The following ERCC6 variants were observed in gnomAD, a reference collection of about 807,000 sequenced individuals.
ERCC6 encodes the protein DNA excision repair protein ERCC-6.
A neutral mutation model predicts 158.7 loss-of-function variants in ERCC6; 116 were observed. The observed-to-expected ratio is 0.73, with a 90% CI of 0.63 to 0.85. The LOEUF (loss-of-function observed/expected upper bound fraction) is 0.85. Among genes scored for constraint, ERCC6 ranks in the 40% least tolerant of loss-of-function variants. ERCC6 has a pLI of 0.00. For missense variants in ERCC6, 1,698 were observed against 1,799.4 expected (o/e 0.94, Z 1.02); for synonymous variants, 678 against 659.3 (o/e 1.03, Z -0.43).
At chr10:49,534,165 A>AAAAAG (rs1321344953) in intron 1 of ERCC6, among the ~76,000 whole-genome samples, 1 of 139,160 alleles carries the variant, frequency 7.2e-6, no homozygotes, top group Admixed American at 7.5e-5. Context: ...CAAAAAAAAA[A>AAAAAG]CTCCATTTTA....
intron 6 of ERCC6, 107 bp downstream of exon 6, chr10:49,505,777 G>A: frequency 7.4e-7 from 1 of 1,349,654 alleles, no homozygotes; most frequent in Non-Finnish European, 1.0e-6. Context: ...ACAAATTGCT[G>A]CAAGTACCTT....
At chr10:49,496,913 T>C (rs1244255530) in intron 7 of ERCC6, among the ~76,000 whole-genome samples, 6 of 152,184 alleles carry the variant, frequency 3.9e-5, no homozygotes, top group Non-Finnish European at 2.9e-5. Flanking sequence ...AACTGAAAAA[T>C]AATTTGTAGT....
At chr10:49,506,055 A>G (rs1480383799) in intron 5 of ERCC6, 43 bp from the exon 6 acceptor site, 1 of 1,608,828 alleles carries the variant, frequency 6.2e-7, no homozygotes, top group Admixed American at 1.7e-5. Flanking sequence ...TTTTGATCAC[A>G]AGACAGATTT....
Position 49,532,995 on chromosome 10 carries a change from T to G in ERCC6, c.-14-17A>C, listed in dbSNP as rs367673985. 1.5e-5 allele frequency: 25 copies of G among 1,613,444 alleles called. No homozygotes were observed. Among genetic ancestry groups the G allele is most frequent in the Non-Finnish European group, 1.8e-5 (21 of 1,179,792 alleles). On this transcript the variant is annotated splice_polypyrimidine_tract_variant and intron_variant, in intron 1 of 20. Transcript: ENST00000355832. The stretch of plus-strand genomic sequence containing the variant: ...ACAGACTACCTAAAAGGAAAAAAAT[T>G]TATAAGCCTTTTCGTTATATAGGAT...
At chr10:49,493,733 G>C (rs1031264261) in intron 7 of ERCC6, among the ~76,000 whole-genome samples, 1 of 152,168 alleles carries the variant, frequency 6.6e-6, no homozygotes, top group African/African-American at 2.4e-5. Flanking sequence ...CTCCACTGAT[G>C]GGGGCTCATA....
At chr10:49,446,894 GA>G in the ERCC6 span, among the ~76,000 whole-genome samples, 7 of 152,214 alleles carry the variant, frequency 4.6e-5, no homozygotes, top group African/African-American at 1.4e-4. Context: ...AGCAAATGAG[GA>G]GAGGCAGTAT....
At chr10:49,493,328 A>C (rs904103822) in intron 7 of ERCC6, 76 bp from the exon 8 acceptor site, 1 of 1,555,108 alleles carries the variant, frequency 6.4e-7, no homozygotes, top group African/African-American at 1.4e-5. Flanking sequence ...AGATCCCCCA[A>C]AACAACAAAC....
At chr10:49,525,180 C>G in intron 4 of ERCC6, 1 of 224,650 alleles carries the variant, frequency 4.5e-6, no homozygotes, top group Non-Finnish European at 8.9e-6. Flanking sequence ...TTCAGATGGA[C>G]TTAAATTCAA....
chr10:49,473,664 G>GT (rs1850823314), intron 13 of ERCC6, 77 bp from the exon 14 acceptor site: 5 of 857,020 alleles, frequency 5.8e-6, no homozygotes, highest in Non-Finnish European at 8.2e-6. Flanking sequence ...TGTGTAAATG[G>GT]TAACACCTTC....
chr10:49,516,729 G>T, intron 5 of ERCC6: 1 of 1,614,120 alleles, frequency 6.2e-7, no homozygotes, highest in Non-Finnish European at 8.5e-7. Flanking sequence ...TGGTGGTGCT[G>T]TAACTCTACC....
chr10:49,440,185 G>A, the ERCC6 span, among the ~76,000 whole-genome samples: 5 of 152,120 alleles, frequency 3.3e-5, no homozygotes, highest in African/African-American at 9.7e-5. Context: ...AAAGACATAC[G>A]CAAGACTGGG....
intron 6 of ERCC6, chr10:49,501,603 G>A (rs574504271): frequency 1.3e-5 from 2 of 152,024 alleles, no homozygotes; most frequent in East Asian, 3.9e-4. Context: ...TTAACAACAG[G>A]GAATGGTATG....
At chr10:49,473,429 C>T (rs749963470) in intron 14 of ERCC6, 48 bp downstream of exon 14, 1 of 1,214,346 alleles carries the variant, frequency 8.2e-7, no homozygotes, top group South Asian at 1.2e-5. Flanking sequence ...TCCTTTCCCT[C>T]CACGTACAGC....
chr10:49,467,818 C>T (rs1850704575), intron 18 of ERCC6, among the ~76,000 whole-genome samples: 1 of 152,094 alleles, frequency 6.6e-6, no homozygotes, highest in Admixed American at 6.5e-5. Context: ...ATCAACCCAC[C>T]TCAGCCTCTC....
chr10:49,464,397 G>A (rs1297691174), intron 18 of ERCC6, among the ~76,000 whole-genome samples: 1 of 152,242 alleles, frequency 6.6e-6, no homozygotes, highest in Non-Finnish European at 1.5e-5. Flanking sequence ...AAGGGAAGCA[G>A]TGCATAAAAG....
intron 10 of ERCC6, among the ~76,000 whole-genome samples, chr10:49,482,027 G>C (rs1850989257): frequency 6.6e-6 from 1 of 152,150 alleles, no homozygotes; most frequent in African/African-American, 2.4e-5. Context: ...GAGTGCCACT[G>C]CTTCCCTTTC....
intron 18 of ERCC6, among the ~76,000 whole-genome samples, chr10:49,467,033 G>A (rs574101642): frequency 9.9e-5 from 15 of 152,104 alleles, no homozygotes; most frequent in African/African-American, 1.4e-4. Flanking sequence ...CACCCACCTC[G>A]GCCTCCCAAA....
intron 5 of ERCC6, chr10:49,517,209 T>A: frequency 6.8e-7 from 1 of 1,479,952 alleles, no homozygotes; most frequent in Non-Finnish European, 9.0e-7. Flanking sequence ...GTCAAACCCA[T>A]AACTAATGCA....
chr10:49,485,438 C>T (rs1222498263), intron 8 of ERCC6, among the ~76,000 whole-genome samples: 1 of 152,106 alleles, frequency 6.6e-6, no homozygotes, highest in Admixed American at 6.5e-5. Context: ...ATCATTAAAG[C>T]ATAACAACAA....
Sources: gnomAD v4.1 joint callset for allele counts (sites outside exome capture counted in the v4.1 genomes callset) on GRCh38, gnomAD v4.1.1 for gene constraint, MANE v1.5 for transcripts, NCBI Gene and HGNC (gene_info 2026-07-23, HGNC 2026-07-21) for gene names.